The following EPS8 variants were observed in gnomAD, a reference collection of about 807,000 sequenced individuals.
EPS8 encodes epidermal growth factor receptor kinase substrate 8.
EPS8 carries 42 observed loss-of-function variants against 103.8 expected under a neutral mutation model. The ratio of observed to expected loss-of-function variants is 0.40; its 90% confidence interval spans 0.32 to 0.52. EPS8 has a LOEUF of 0.52. EPS8 is among the 20% of genes least tolerant of loss of function. The pLI, the probability that EPS8 is intolerant of heterozygous loss-of-function variation, is 0.40. For missense variants in EPS8, 969 were observed against 1,005.1 expected (o/e 0.96, Z 0.49); for synonymous variants, 344 against 344.6 (o/e 1.00, Z 0.02).
chr12:15,773,861 T>C (rs1207431253), intron 1 of EPS8, among the ~76,000 whole-genome samples: 1 of 152,208 alleles, frequency 6.6e-6, no homozygotes, highest in African/African-American at 2.4e-5. Flanking sequence ...TTGGTAACTA[T>C]AATTCTCTCT....
intron 3 of EPS8, among the ~76,000 whole-genome samples, chr12:15,673,232 T>A (rs1945846433): frequency 6.6e-6 from 1 of 152,190 alleles, no homozygotes; most frequent in Non-Finnish European, 1.5e-5. Flanking sequence ...CCTAAGCTGC[T>A]TTCTCTATGT....
chr12:15,646,627 G>T (rs1329307029), intron 15 of EPS8, among the ~76,000 whole-genome samples: 1 of 152,072 alleles, frequency 6.6e-6, no homozygotes, highest in Non-Finnish European at 1.5e-5. Flanking sequence ...TGTAAAACTG[G>T]AAAGTCAAGA....
At chr12:15,667,542 T>A (rs2135840504) in intron 6 of EPS8, among the ~76,000 whole-genome samples, 1 of 152,188 alleles carries the variant, frequency 6.6e-6, no homozygotes, top group East Asian at 1.9e-4. Context: ...TAAAAATAAT[T>A]ATTTAAAAAA....
rs148857796 is a variant in EPS8 at position 15,712,379 on chromosome 12, C to A, written c.-21-29407G>T. On this transcript the variant is annotated intron_variant, in intron 1 of 20. Coordinates refer to ENST00000281172, the MANE Select transcript of EPS8 (RefSeq NM_004447.6). ...AAGAAGTCTAAACCTGGTTAATAAG[C>A]AAATTTTCATAGTACAACTAACATT... Among the ~76,000 whole-genome samples, 695 of 152,240 alleles carry A rather than the reference C, an allele frequency of 4.6e-3. 4 individuals are homozygous for A. Among genetic ancestry groups the A allele is most frequent in the African/African-American group, 0.016 (666 of 41,568 alleles).
Position 15,696,080 on chromosome 12 carries a change from T to C in EPS8, c.-21-13108A>G, listed in dbSNP as rs1946239609. 6.6e-6 allele frequency among the ~76,000 whole-genome samples: 1 copy of C among 152,242 alleles called. No individual in the cohort carries two copies. Among genetic ancestry groups the C allele is most frequent in the Non-Finnish European group, 1.5e-5 (1 of 68,044 alleles). On this transcript the variant is annotated intron_variant, in intron 1 of 20. Coordinates refer to ENST00000281172, the MANE Select transcript of EPS8 (RefSeq NM_004447.6). The surrounding 1 kb of genome is among the most constrained non-coding windows in gnomAD (Gnocchi z 4.8). ...TGAAAATGTTCTCTCAGGATTTCTC[T>C]ATTTAAAATCCAGGATAATTAGTCT...
At chr12:15,627,017 T>C (rs929719335) in intron 18 of EPS8, among the ~76,000 whole-genome samples, 2 of 152,164 alleles carry the variant, frequency 1.3e-5, no homozygotes, top group African/African-American at 2.4e-5. Flanking sequence ...CTTTTTTTTT[T>C]TGAGAAAGAG....
intron 8 of EPS8, among the ~76,000 whole-genome samples, chr12:15,662,999 CAAAA>C (rs5796644): frequency 1.4e-4 from 18 of 128,660 alleles, no homozygotes; most frequent in Non-Finnish European, 1.5e-4. Context: ...CACTTGCCAA[CAAAA>C]AAAAAAAAAA....
At position 15,716,425 on chromosome 12, in the gene EPS8, A is replaced by G. The variant is rs923283366; in HGVS notation, c.-21-33453T>C. On this transcript the variant is annotated intron_variant, in intron 1 of 20. Coordinates refer to ENST00000281172, the MANE Select transcript of EPS8 (RefSeq NM_004447.6). The surrounding 1 kb of genome is among the most constrained non-coding windows in gnomAD (Gnocchi z 5.0). The stretch of plus-strand genomic sequence containing the variant: ...TATTAAAAAAATGGCATGGACTGAA[A>G]CCATCCATAGTCATTCATATCCATA... Among the ~76,000 whole-genome samples the G allele has an allele frequency of 3.4e-4, 52 of 152,196 alleles. No homozygotes were observed. Among genetic ancestry groups the G allele is most frequent in the African/African-American group, 1.2e-3 (51 of 41,436 alleles).
At position 15,767,988 on chromosome 12, in the gene EPS8, T is replaced by C. The variant is rs1947114057; in HGVS notation, c.-22+21173A>G. 6.6e-6 allele frequency among the ~76,000 whole-genome samples: 1 copy of C among 152,236 alleles called. No homozygotes were observed. The highest frequency in any genetic ancestry group is 1.5e-5 in the Non-Finnish European group (1 of 68,048). ...ATTACCTTAGAAACTGGAATTATGCTTTTCTTCCATTGCAGTTAAGAATTA... is the reference window on the plus strand; with the variant it reads ...ATTACCTTAGAAACTGGAATTATGCCTTTCTTCCATTGCAGTTAAGAATTA... On this transcript the variant is annotated intron_variant, in intron 1 of 20. Transcript: ENST00000281172. This position sits in a 1 kb window ranked among gnomAD's most constrained non-coding sequence, Gnocchi z 5.5.
chr12:15,653,129 T>G (rs992697610), intron 13 of EPS8, among the ~76,000 whole-genome samples: 9 of 152,230 alleles, frequency 5.9e-5, no homozygotes, highest in African/African-American at 2.2e-4. Flanking sequence ...CACTCTTCCT[T>G]TTCAGTTCCA....
chr12:15,750,711 A>C (rs1946922990), intron 1 of EPS8, among the ~76,000 whole-genome samples: 2 of 152,154 alleles, frequency 1.3e-5, no homozygotes, highest in South Asian at 4.1e-4. Context: ...AGTACTTGAA[A>C]CCATAGCTAT....
chr12:15,650,649 G>A (rs1945395829), intron 14 of EPS8, among the ~76,000 whole-genome samples, 174 bp downstream of exon 14: 1 of 152,126 alleles, frequency 6.6e-6, no homozygotes, highest in Non-Finnish European at 1.5e-5. Context: ...CAGAGCAACT[G>A]TCACAAAAAA....
chr12:15,763,139 C>T (rs1047911714), intron 1 of EPS8, among the ~76,000 whole-genome samples: 1 of 152,046 alleles, frequency 6.6e-6, no homozygotes, highest in Non-Finnish European at 1.5e-5. Context: ...TAGTATTACT[C>T]ATACAGGCTT....
rs1317253988 is a variant in EPS8 at position 15,757,320 on chromosome 12, TA to T, written c.-22+31840del. Among the ~76,000 whole-genome samples, 1 of 151,928 alleles carries T rather than the reference TA, an allele frequency of 6.6e-6. No homozygotes were observed. Among genetic ancestry groups the T allele is most frequent in the Non-Finnish European group, 1.5e-5 (1 of 67,980 alleles). Reference sequence around the variant, plus strand: ...AGATTGCATATTAATAACAAAGAGGTAAAGGTATTTATTTAAGATGAAGAGA... The same window carrying T: ...AGATTGCATATTAATAACAAAGAGGTAAGGTATTTATTTAAGATGAAGAGA... On this transcript the variant is annotated intron_variant, in intron 1 of 20. Coordinates refer to ENST00000281172, the MANE Select transcript of EPS8 (RefSeq NM_004447.6). This position sits in a 1 kb window ranked among gnomAD's most constrained non-coding sequence, Gnocchi z 4.1.
In EPS8 at chr12:15,781,169, C is replaced by G. The variant is rs934551363; in HGVS notation, c.-22+7992G>C. ...AACAACCGTGTTCCATCACCACATA[C>G]CTCTGGTCAGTAGGATACAGATGAG... On this transcript the variant is annotated intron_variant, in intron 1 of 20. Transcript: ENST00000281172. The surrounding 1 kb of genome is among the most constrained non-coding windows in gnomAD (Gnocchi z 4.1). Among the ~76,000 whole-genome samples the G allele has an allele frequency of 6.6e-6, 1 of 152,188 alleles. No homozygotes were observed. The highest frequency in any genetic ancestry group is 2.4e-5 in the African/African-American group (1 of 41,442).
At chr12:15,662,757 G>T (rs1945628073) in intron 8 of EPS8, 2 of 581,370 alleles carry the variant, frequency 3.4e-6, no homozygotes, top group Non-Finnish European at 4.3e-6. Flanking sequence ...CTCCTTCCTG[G>T]TATGAGTCAG....
Position 15,777,718 on chromosome 12 carries a change from A to G in EPS8, c.-22+11443T>C, listed in dbSNP as rs1356396163. On this transcript the variant is annotated intron_variant, in intron 1 of 20. Transcript: ENST00000281172. This position sits in a 1 kb window ranked among gnomAD's most constrained non-coding sequence, Gnocchi z 4.7. The stretch of plus-strand genomic sequence containing the variant: ...ACTTTTCTATTAAAGCCATCTGAGG[A>G]TTGAAAAAGGGTGTCAGAAACGAGC... 6.6e-5 allele frequency among the ~76,000 whole-genome samples: 10 copies of G among 152,216 alleles called. No homozygotes were observed. Among genetic ancestry groups the G allele is most frequent in the African/African-American group, 2.2e-4 (9 of 41,460 alleles).
At position 15,662,076 on chromosome 12, in the gene EPS8, C is replaced by G. The variant is rs761166058; in HGVS notation, c.760G>C (p.Glu254Gln). 2 of 1,613,908 alleles carry G rather than the reference C, an allele frequency of 1.2e-6. No individual in the cohort carries two copies. Among genetic ancestry groups the G allele is most frequent in the Non-Finnish European group, 1.7e-6 (2 of 1,179,780 alleles). ...ATCATCTCAGGTGTTTCTTCCTGCT[C>G]ATGATACTGCCTTGGTTTCTCAACT... The part of the protein sequence containing the change: ...GDFEKPRQYH[E>Q]QEETPEMMAA... The change falls in exon 9 of 21, where the codon GAG becomes CAG. Residue 254 changes from glutamate (E) to glutamine (Q), a missense_variant. Transcript: ENST00000281172.
chr12:15,770,208 G>T (rs1947138894), intron 1 of EPS8, among the ~76,000 whole-genome samples: 1 of 146,328 alleles, frequency 6.8e-6, no homozygotes, highest in Non-Finnish European at 1.5e-5. Flanking sequence ...AGGATCACTT[G>T]AGCCTAGGAG....
Sources: gnomAD v4.1 joint callset for allele counts (sites outside exome capture counted in the v4.1 genomes callset) on GRCh38, gnomAD v4.1.1 for gene constraint, Gnocchi (gnomAD v3.1) non-coding constraint, MANE v1.5 for transcripts, NCBI Gene and HGNC (gene_info 2026-07-23, HGNC 2026-07-21) for gene names.